The following CHD7 variants were observed in gnomAD, a reference collection of about 807,000 sequenced individuals.
The protein encoded by CHD7 is chromodomain helicase DNA binding protein 7.
Under a neutral mutation model 307.3 loss-of-function variants are expected in CHD7, and 24 were observed. The ratio of observed to expected loss-of-function variants is 0.08; its 90% CI spans 0.06 to 0.11. The LOEUF is 0.11. Ranked by LOEUF, CHD7 falls within the 10% of genes least tolerant of loss-of-function variation. CHD7 has a pLI of 1.00. For synonymous variants in CHD7, 1,363 were observed against 1,349.9 expected (o/e 1.01, Z -0.21); for missense variants, 3,106 against 3,727.1 (o/e 0.83, Z 4.34).
rs727503866 is a variant in CHD7 at position 60,841,624 on chromosome 8, C to T, written c.4534-20C>T. 1.5e-5 allele frequency: 24 copies of T among 1,571,452 alleles called. No homozygotes were observed. Among genetic ancestry groups the T allele is most frequent in the Admixed American group, 1.3e-4 (8 of 59,814 alleles). ...CTGAGAAAGGCCTCTCAAAGTAATG[C>T]GTTTCTTTTTTCTCTTTAGGCCAGT... On this transcript the variant is annotated intron_variant, in intron 19 of 37. Transcript: ENST00000423902.
intron 1 of CHD7, among the ~76,000 whole-genome samples, chr8:60,683,687 A>G (rs1805741707): frequency 1.3e-5 from 2 of 152,208 alleles, no homozygotes; most frequent in South Asian, 2.1e-4. Context: ...CTGGCCACCC[A>G]CTGTTGCAGA....
At chr8:60,857,013 A>G in intron 34 of CHD7, 125 bp downstream of exon 34, 1 of 785,188 alleles carries the variant, frequency 1.3e-6, no homozygotes, top group Non-Finnish European at 2.0e-6. Context: ...CCTCCACTAA[A>G]GAAATAGTTT....
intron 19 of CHD7, among the ~76,000 whole-genome samples, chr8:60,840,118 T>C (rs1804905261): frequency 6.6e-6 from 1 of 152,350 alleles, no homozygotes; most frequent in African/African-American, 2.4e-5. Flanking sequence ...TTTTAACTCT[T>C]ACATTTTGGT....
In CHD7 at chr8:60,865,947, C is replaced by T; in HGVS notation, c.*14C>T. ...AATGATGAATAACCAGTACCAGTTCCAGTTCAAGTGTTTAAAACTTTTGAC... is the reference window on the plus strand; with the variant it reads ...AATGATGAATAACCAGTACCAGTTCTAGTTCAAGTGTTTAAAACTTTTGAC... On this transcript the variant is annotated 3_prime_UTR_variant, in exon 38 of 38. Coordinates refer to ENST00000423902, the MANE Select transcript of CHD7 (RefSeq NM_017780.4). This position sits in a 1 kb window ranked among gnomAD's most constrained non-coding sequence, Gnocchi z 4.3. 1 of 1,581,400 alleles carries T rather than the reference C, an allele frequency of 6.3e-7. No individual in the cohort carries two copies. The highest frequency in any genetic ancestry group is 8.6e-7 in the Non-Finnish European group (1 of 1,162,670).
chr8:60,828,928 ACCTTAGATAC>A, intron 14 of CHD7, 122 bp downstream of exon 14: 1 of 795,510 alleles, frequency 1.3e-6, no homozygotes, highest in Non-Finnish European at 2.0e-6. Context: ...AGTACACAGA[ACCTTAGATAC>A]CCTTTCCTTG....
intron 1 of CHD7, among the ~76,000 whole-genome samples, chr8:60,714,642 C>T (rs1807486806): frequency 6.6e-6 from 1 of 152,190 alleles, no homozygotes; most frequent in South Asian, 2.1e-4. Flanking sequence ...GCCTCAGGTG[C>T]TGCACAGGCC....
rs546001548 is a variant in CHD7, at chr8:60,795,186, T to G, written c.2238+59T>G. 18 of 1,547,420 alleles carry G rather than the reference T, an allele frequency of 1.2e-5. No individual in the cohort carries two copies. The South Asian group carries it at 2.0e-4, about 17-fold the overall frequency. On this transcript the variant is annotated intron_variant, in intron 4 of 37. Transcript: ENST00000423902. ...TATTTGGCATGGGTAACTTTAGCCA[T>G]GTATGAAGTACACAAGACCTCCCCT...
At chr8:60,778,107 G>GT (rs1224972356) in intron 2 of CHD7, among the ~76,000 whole-genome samples, 1 of 151,590 alleles carries the variant, frequency 6.6e-6, no homozygotes, top group Non-Finnish European at 1.5e-5. Context: ...GGGGGTGGAG[G>GT]GGGGGACATG....
chr8:60,853,052 C>G lies in CHD7; in HGVS notation c.6327C>G (p.Val2109=). Residue 2109 remains valine, a synonymous_variant, in exon 31 of 38, where the codon GTC becomes GTG. Coordinates refer to ENST00000423902, the MANE Select transcript of CHD7 (RefSeq NM_017780.4). ...DLLVGAAKHG[V]SRTDYHILND... ...TGGTTGGTGCTGCTAAACACGGGGT[C>G]AGTCGGACGGATTATCACATCCTCA... 1 of 1,613,958 alleles carries G rather than the reference C, an allele frequency of 6.2e-7. No individual in the cohort carries two copies. The highest frequency in any genetic ancestry group is 8.5e-7 in the Non-Finnish European group (1 of 1,179,882).
chr8:60,769,071 T>C (rs751762103), intron 2 of CHD7, among the ~76,000 whole-genome samples: 2 of 152,174 alleles, frequency 1.3e-5, no homozygotes. Flanking sequence ...GAAGTTGAAA[T>C]AGAAAAAAAC....
At chr8:60,797,061 A>T (rs1812068534) in intron 4 of CHD7, among the ~76,000 whole-genome samples, 1 of 152,236 alleles carries the variant, frequency 6.6e-6, no homozygotes, top group African/African-American at 2.4e-5. Flanking sequence ...TCAATTCAAA[A>T]GTTTTGAATT....
chr8:60,759,309 G>T (rs1465230206), intron 2 of CHD7, among the ~76,000 whole-genome samples: 1 of 152,140 alleles, frequency 6.6e-6, no homozygotes, highest in Non-Finnish European at 1.5e-5. Context: ...GTGAGAGAAG[G>T]CAGCGAATGG....
intron 3 of CHD7, among the ~76,000 whole-genome samples, chr8:60,793,526 A>G (rs536033904): frequency 9.8e-5 from 15 of 152,290 alleles, no homozygotes; most frequent in African/African-American, 3.6e-4. Flanking sequence ...TAGTTTATTA[A>G]CAATACTTTT....
At chr8:60,837,519 A>G in intron 17 of CHD7, 149 bp from the exon 18 acceptor site, 3 of 620,182 alleles carry the variant, frequency 4.8e-6, no homozygotes, top group Non-Finnish European at 8.1e-6. Flanking sequence ...CCTGTTCGTG[A>G]GGACTCCACC....
rs199549857 is a variant in CHD7, at chr8:60,742,147, C to T, written c.715C>T (p.Pro239Ser). 5.1e-5 allele frequency: 83 copies of T among 1,613,796 alleles called. No homozygotes were observed. The highest frequency in any genetic ancestry group is 7.6e-6 in the Non-Finnish European group (9 of 1,179,866). ...AGGACCTGGCCACTTGTCCCACGTGCCCCAGCAGAGTCCCAGCATGGCACC... is the reference window on the plus strand; with the variant it reads ...AGGACCTGGCCACTTGTCCCACGTGTCCCAGCAGAGTCCCAGCATGGCACC... The part of the protein sequence containing the change: ...TSGPGHLSHV[P>S]QQSPSMAPSL... The change falls in exon 2 of 38, where the codon CCC (proline) becomes TCC (serine). Residue 239 changes from proline (P) to serine (S), a missense_variant. Physicochemically the swap from Pro to Ser is moderately conservative, Grantham distance 74 (BLOSUM62 -1). This residue lies in a region of CHD7 where 998 missense variants were observed against 1,004.5 expected (regional missense o/e 0.99). Coordinates refer to ENST00000423902, the MANE Select transcript of CHD7 (RefSeq NM_017780.4).
At chr8:60,684,682 C>G (rs1378921218) in intron 1 of CHD7, among the ~76,000 whole-genome samples, 1 of 152,100 alleles carries the variant, frequency 6.6e-6, no homozygotes, top group Non-Finnish European at 1.5e-5. Context: ...AGATGAGACT[C>G]GAGGCAGGCA....
chr8:60,767,659 A>G (rs751776010), intron 2 of CHD7, among the ~76,000 whole-genome samples: 7 of 152,136 alleles, frequency 4.6e-5, no homozygotes, highest in Admixed American at 6.6e-5. Flanking sequence ...CCTGAAGTCA[A>G]TGCTGTCTCC....
chr8:60,862,415 A>G, intron 36 of CHD7, 79 bp downstream of exon 36: 1 of 1,513,190 alleles, frequency 6.6e-7, no homozygotes, highest in Non-Finnish European at 8.9e-7. Flanking sequence ...CTTCTTCTAT[A>G]GGGGAAAAGA....
chr8:60,719,089 T>C (rs372151393), intron 1 of CHD7, among the ~76,000 whole-genome samples: 33 of 152,354 alleles, frequency 2.2e-4, no homozygotes, highest in African/African-American at 7.9e-4. Flanking sequence ...TAGCGACACA[T>C]TTCTCAGACT....
Sources: gnomAD v4.1 joint callset for allele counts (sites outside exome capture counted in the v4.1 genomes callset) on GRCh38, gnomAD v4.1.1 for gene constraint, gnomAD v4.1.1 regional missense constraint, Gnocchi (gnomAD v3.1) non-coding constraint, MANE v1.5 for transcripts, NCBI Gene and HGNC (gene_info 2026-07-23, HGNC 2026-07-21) for gene names.